The following MMP26 variants were observed in gnomAD, a reference collection of about 807,000 sequenced individuals.
MMP26 encodes matrix metalloproteinase-26.
Under a neutral mutation model 31.0 loss-of-function variants are expected in MMP26, and 33 were observed. The observed-to-expected ratio is 1.06, with a 90% confidence interval of 0.81 to 1.42. The LOEUF (loss-of-function observed/expected upper bound fraction) is 1.42. MMP26 is among the 40% of genes most tolerant of loss of function. The pLI is 0.00. For missense variants in MMP26, 347 were observed against 316.1 expected (o/e 1.10, Z -0.74); for synonymous variants, 122 against 114.9 (o/e 1.06, Z -0.40).
At chr11:4,954,020 C>T (rs10768400) in intron 2 of MMP26, among the ~76,000 whole-genome samples, 49,175 of 124,040 alleles carry the variant, frequency 0.4, 17,538 homozygotes, top group South Asian at 0.55. Flanking sequence ...TGCTACTGCA[C>T]CCCAGCTTGG....
chr11:4,762,733 A>T (rs1292765408), intron 1 of MMP26, among the ~76,000 whole-genome samples: 1 of 152,208 alleles, frequency 6.6e-6, no homozygotes, highest in Non-Finnish European at 1.5e-5. Context: ...AGAAAAGTGG[A>T]AAAACAGAGA....
At chr11:4,837,476 T>C (rs1849734653) in intron 2 of MMP26, among the ~76,000 whole-genome samples, 1 of 152,230 alleles carries the variant, frequency 6.6e-6, no homozygotes, top group African/African-American at 2.4e-5. Flanking sequence ...CTTTCTGAAG[T>C]GTTGGGATTA....
At chr11:4,834,669 G>A (rs1359481119) in intron 2 of MMP26, among the ~76,000 whole-genome samples, 2 of 152,158 alleles carry the variant, frequency 1.3e-5, no homozygotes, top group Non-Finnish European at 2.9e-5. Context: ...ACTCGGTCAG[G>A]AACAGGTCCT....
intron 2 of MMP26, among the ~76,000 whole-genome samples, chr11:4,906,769 G>A (rs1328054817): frequency 6.6e-6 from 1 of 152,102 alleles, no homozygotes. Context: ...GCTCCATTTT[G>A]ATATGTTTTA....
chr11:4,877,373 T>G (rs2133532896), intron 2 of MMP26: 1 of 152,516 alleles, frequency 6.6e-6, no homozygotes, highest in African/African-American at 2.4e-5. Flanking sequence ...TTGTCACCAC[T>G]AATACACACA....
chr11:4,878,337 C>T (rs1850412825), intron 2 of MMP26, among the ~76,000 whole-genome samples: 1 of 152,004 alleles, frequency 6.6e-6, no homozygotes, highest in Non-Finnish European at 1.5e-5. Flanking sequence ...GAACATAGAA[C>T]ATTTATTTTC....
chr11:4,905,237 T>C (rs1049184438), intron 2 of MMP26, among the ~76,000 whole-genome samples: 1 of 152,130 alleles, frequency 6.6e-6, no homozygotes, highest in Non-Finnish European at 1.5e-5. Flanking sequence ...CACATTATAC[T>C]TACCCTGGGT....
intron 1 of MMP26, among the ~76,000 whole-genome samples, chr11:4,758,821 C>T (rs377381226): frequency 3.4e-4 from 52 of 151,784 alleles, no homozygotes; most frequent in African/African-American, 1.2e-3. Context: ...TAAAAAATGA[C>T]AAAAAATTGG....
At chr11:4,789,530 C>CCTTTTTTTTT (rs1848993184) in intron 2 of MMP26, among the ~76,000 whole-genome samples, 2 of 65,944 alleles carry the variant, frequency 3.0e-5, no homozygotes, top group Non-Finnish European at 2.7e-5. Context: ...TATCCCCCCA[C>CCTTTTTTTTT]TTTTTTTTTT....
At chr11:4,858,338 G>A (rs1241004591) in intron 2 of MMP26, among the ~76,000 whole-genome samples, 1 of 152,130 alleles carries the variant, frequency 6.6e-6, no homozygotes, top group Non-Finnish European at 1.5e-5. Flanking sequence ...CATCGTCTCA[G>A]CCCAAAATCT....
chr11:4,727,420 T>C (rs1444327475), intron 1 of MMP26, among the ~76,000 whole-genome samples: 1 of 152,154 alleles, frequency 6.6e-6, no homozygotes, highest in Non-Finnish European at 1.5e-5. Context: ...ATAAAAATTT[T>C]ATTATTTAAA....
chr11:4,726,074 T>C (rs1270787033), intron 1 of MMP26, among the ~76,000 whole-genome samples: 1 of 152,182 alleles, frequency 6.6e-6, no homozygotes, highest in Non-Finnish European at 1.5e-5. Context: ...GAGAAACCAG[T>C]AGTTTGTTGG....
At chr11:4,798,292 G>T (rs907169238) in intron 2 of MMP26, among the ~76,000 whole-genome samples, 1 of 152,150 alleles carries the variant, frequency 6.6e-6, no homozygotes, top group Admixed American at 6.6e-5. Context: ...AGACAGAGCA[G>T]GATGAGCCAG....
intron 2 of MMP26, chr11:4,903,657 T>A (rs1002684695): frequency 1.3e-5 from 2 of 152,118 alleles, no homozygotes; most frequent in South Asian, 4.1e-4. Flanking sequence ...GCCCCAGGCC[T>A]AACCCTTTCT....
At chr11:4,924,028 G>C (rs575908134) in intron 2 of MMP26, 1 of 1,614,174 alleles carries the variant, frequency 6.2e-7, no homozygotes, top group South Asian at 1.1e-5. Context: ...TGTGGATGAA[G>C]AAGAGCTGAG....
intron 2 of MMP26, among the ~76,000 whole-genome samples, chr11:4,819,634 A>T (rs1287175509): frequency 8.0e-6 from 1 of 124,440 alleles, no homozygotes; most frequent in East Asian, 2.6e-4. Context: ...GCTGGAGTAC[A>T]GTGACACATT....
intron 1 of MMP26, among the ~76,000 whole-genome samples, chr11:4,714,380 G>C (rs2133268342): frequency 6.6e-6 from 1 of 152,204 alleles, no homozygotes; most frequent in South Asian, 2.1e-4. Flanking sequence ...TAAGTTTCCT[G>C]GTTAGTTGTG....
intron 2 of MMP26, among the ~76,000 whole-genome samples, chr11:4,966,050 G>C (rs559469583): frequency 1.3e-5 from 2 of 152,100 alleles, no homozygotes; most frequent in Admixed American, 1.3e-4. Context: ...GTATGGGAGA[G>C]AGAAAAAATA....
intron 2 of MMP26, chr11:4,923,861 G>C: frequency 6.2e-7 from 1 of 1,614,012 alleles, no homozygotes; most frequent in Non-Finnish European, 8.5e-7. Context: ...GAATGGCAAG[G>C]GGAGGATGAG....
Sources: allele counts gnomAD v4.1 joint callset (sites outside exome capture counted in the v4.1 genomes callset), GRCh38; gene constraint gnomAD v4.1.1; transcripts MANE v1.5; gene names NCBI Gene and HGNC (gene_info 2026-07-23, HGNC 2026-07-21).